Variants in UPP2 observed in about 807,000 individuals in gnomAD.
UPP2 encodes the protein UPase 2.
UPP2 carries 23 observed loss-of-function variants against 26.7 expected under a neutral mutation model. The observed-to-expected ratio is 0.86, with a 90% CI of 0.62 to 1.22. UPP2 has a LOEUF of 1.22. UPP2 is among the 50% of genes most tolerant of loss of function. The pLI is 0.00. For missense variants in UPP2, 387 were observed against 396.7 expected (o/e 0.98, Z 0.21); for synonymous variants, 127 against 141.3 (o/e 0.90, Z 0.72).
At chr2:158,064,282 GCC>G (rs1682400162) in intron 3 of UPP2, among the ~76,000 whole-genome samples, 4 of 152,086 alleles carry the variant, frequency 2.6e-5, no homozygotes, top group Non-Finnish European at 5.9e-5. Context: ...TTTAATGATC[GCC>G]ATTCTAACTG....
rs1042101024 is a variant in UPP2 at position 158,078,473 on chromosome 2, T to C, written c.148-23567T>C. 2.0e-5 allele frequency among the ~76,000 whole-genome samples: 3 copies of C among 152,128 alleles called. No individual in the cohort carries two copies. In the South Asian group the frequency reaches 6.2e-4, roughly 32 times the overall value. The stretch of plus-strand genomic sequence containing the variant: ...CCATAAAAAGAATAAGAGCTTGTCA[T>C]TTGCAACAACATGGATGGAACTGGC... On this transcript the variant is annotated intron_variant, in intron 3 of 9. Transcript: ENST00000605860.
At chr2:158,058,605 A>T (rs1331278549) in intron 3 of UPP2, among the ~76,000 whole-genome samples, 1 of 152,108 alleles carries the variant, frequency 6.6e-6, no homozygotes, top group Non-Finnish European at 1.5e-5. Flanking sequence ...AAATTCTATT[A>T]TTTAAGCCAT....
At chr2:158,131,573 T>C (rs952024826) in intron 6 of UPP2, among the ~76,000 whole-genome samples, 1 of 152,226 alleles carries the variant, frequency 6.6e-6, no homozygotes, top group Admixed American at 6.5e-5. Flanking sequence ...TGACAATTAC[T>C]GGGCAGTCCT....
At chr2:158,086,320 G>A (rs188191455) in intron 3 of UPP2, among the ~76,000 whole-genome samples, 2 of 152,106 alleles carry the variant, frequency 1.3e-5, no homozygotes, top group African/African-American at 4.8e-5. Flanking sequence ...TTGTATTTCT[G>A]TGGTATTGGT....
intron 2 of UPP2, among the ~76,000 whole-genome samples, chr2:158,108,618 CAT>C (rs1369833067): frequency 4.6e-5 from 7 of 151,944 alleles, no homozygotes; most frequent in Non-Finnish European, 8.8e-5. Context: ...CACACACACA[CAT>C]ACGCACACAC....
intron 3 of UPP2, among the ~76,000 whole-genome samples, chr2:158,047,686 A>C (rs907137886): frequency 3.3e-5 from 5 of 152,356 alleles, no homozygotes; most frequent in African/African-American, 1.2e-4. Flanking sequence ...TGATAGAGCC[A>C]AATTATAAAG....
At chr2:158,014,275 A>G (rs563924411) in intron 2 of UPP2, among the ~76,000 whole-genome samples, 1 of 152,302 alleles carries the variant, frequency 6.6e-6, no homozygotes, top group East Asian at 1.9e-4. Flanking sequence ...GGTGGAATCA[A>G]TTAGGAAAGT....
At chr2:158,098,517 C>T (rs1683022969), upstream of UPP2, among the ~76,000 whole-genome samples, 1 of 152,154 alleles carries the variant, frequency 6.6e-6, no homozygotes, top group East Asian at 1.9e-4. Context: ...ACCTAAGTAG[C>T]CACAGGTCCC....
upstream of UPP2, chr2:158,101,807 T>C (rs1330401611): frequency 5.0e-6 from 6 of 1,204,368 alleles, no homozygotes; most frequent in Middle Eastern, 3.3e-4. Flanking sequence ...CCTATCTTCT[T>C]GAGGAAGTGC....
intron 3 of UPP2, among the ~76,000 whole-genome samples, chr2:158,029,730 C>T (rs1482060987): frequency 6.6e-6 from 1 of 151,590 alleles, no homozygotes; most frequent in Non-Finnish European, 1.5e-5. Flanking sequence ...AAAATAGACA[C>T]AGATATAAAT....
At chr2:158,032,669 CTG>C (rs1317993713) in intron 3 of UPP2, among the ~76,000 whole-genome samples, 3 of 152,048 alleles carry the variant, frequency 2.0e-5, no homozygotes, top group Non-Finnish European at 2.9e-5. Context: ...GAACAAAAGA[CTG>C]TGCTGGAACA....
intron 3 of UPP2, among the ~76,000 whole-genome samples, chr2:158,043,571 C>T (rs1328343870): frequency 6.6e-6 from 1 of 152,146 alleles, no homozygotes; most frequent in Non-Finnish European, 1.5e-5. Flanking sequence ...CTGAATAAGC[C>T]TCAAATGTAA....
chr2:158,131,855 G>A (rs760758779), intron 6 of UPP2, among the ~76,000 whole-genome samples: 2 of 152,166 alleles, frequency 1.3e-5, no homozygotes, highest in Admixed American at 6.5e-5. Context: ...TATGCTGCTC[G>A]CTAGTGGATT....
chr2:158,027,452 A>G (rs1287064283), intron 3 of UPP2, among the ~76,000 whole-genome samples: 2 of 152,220 alleles, frequency 1.3e-5, no homozygotes, highest in Non-Finnish European at 2.9e-5. Flanking sequence ...GGTCACACTG[A>G]TGCAAGAGGT....
At chr2:158,091,601 G>A (rs1321998043) in intron 3 of UPP2, among the ~76,000 whole-genome samples, 2 of 152,220 alleles carry the variant, frequency 1.3e-5, no homozygotes, top group African/African-American at 2.4e-5. Context: ...CACACAGCAA[G>A]CATTTCCTAC....
intron 2 of UPP2, among the ~76,000 whole-genome samples, chr2:158,110,711 C>T (rs1683301554): frequency 6.6e-6 from 1 of 152,148 alleles, no homozygotes; most frequent in Non-Finnish European, 1.5e-5. Context: ...GCCATTCTAA[C>T]TGGTGTGAGA....
intron 3 of UPP2, among the ~76,000 whole-genome samples, chr2:158,083,131 T>C (rs1682754370): frequency 6.6e-6 from 1 of 152,120 alleles, no homozygotes; most frequent in Non-Finnish European, 1.5e-5. Context: ...GTTCAACCAT[T>C]GTGGAAGACA....
intron 2 of UPP2, among the ~76,000 whole-genome samples, chr2:158,005,619 C>T (rs961979407): frequency 2.0e-5 from 3 of 152,228 alleles, no homozygotes; most frequent in East Asian, 3.9e-4. Context: ...TGGGAAGGAA[C>T]GGGGAAGTTT....
intron 2 of UPP2, among the ~76,000 whole-genome samples, chr2:157,998,298 C>T (rs1683353172): frequency 6.6e-6 from 1 of 152,116 alleles, no homozygotes; most frequent in Non-Finnish European, 1.5e-5. Context: ...CATCCTCCCA[C>T]CTAATGCTCC....
Sources: gnomAD v4.1 joint callset for allele counts (sites outside exome capture counted in the v4.1 genomes callset) on GRCh38, gnomAD v4.1.1 for gene constraint, MANE v1.5 for transcripts, NCBI Gene and HGNC (gene_info 2026-07-23, HGNC 2026-07-21) for gene names.